The following ERCC1 variants were observed in gnomAD, a reference collection of about 807,000 sequenced individuals.
ERCC1 encodes the protein DNA excision repair protein ERCC-1.
A neutral mutation model predicts 37.6 loss-of-function variants in ERCC1; 36 were observed. The observed-to-expected ratio is 0.96, with a 90% CI of 0.73 to 1.26. The LOEUF (loss-of-function observed/expected upper bound fraction) is 1.26, where lower values mean the gene tolerates loss of function less well. Ranked by LOEUF, ERCC1 falls within the 50% of genes most tolerant of loss-of-function variation. The pLI, the probability that ERCC1 is intolerant of heterozygous loss-of-function variation, is 0.00. For synonymous variants in ERCC1, 156 were observed against 162.1 expected (o/e 0.96, Z 0.28); for missense variants, 349 against 376.5 (o/e 0.93, Z 0.60).
At chr19:45,429,724 G>T (rs957594023) in intron 1 of ERCC1, among the ~76,000 whole-genome samples, 4 of 152,002 alleles carry the variant, frequency 2.6e-5, no homozygotes, top group Non-Finnish European at 5.9e-5. Context: ...TGCCTTCTCA[G>T]CCTTGAGAAC....
intron 2 of ERCC1, among the ~76,000 whole-genome samples, chr19:45,422,452 G>A (rs1039750324): frequency 3.3e-5 from 5 of 151,934 alleles, no homozygotes; most frequent in Non-Finnish European, 7.4e-5. Context: ...CCTCCTCAGA[G>A]AGGCCCTCCC....
At chr19:45,429,476 G>A (rs923976167) in intron 1 of ERCC1, among the ~76,000 whole-genome samples, 2 of 151,976 alleles carry the variant, frequency 1.3e-5, no homozygotes, top group African/African-American at 4.8e-5. Flanking sequence ...AAGAAAGAAA[G>A]AAGGAAAGAA....
chr19:45,447,859 G>T (rs981384891), intron 1 of ERCC1, among the ~76,000 whole-genome samples: 2 of 151,286 alleles, frequency 1.3e-5, no homozygotes, highest in Admixed American at 6.7e-5. Flanking sequence ...AATTCTCTGG[G>T]CTTCTTTCTC....
Position 45,420,221 on chromosome 19 carries a change from T to C in ERCC1, c.425+103A>G, listed in dbSNP as rs986351735. The C allele has an allele frequency of 3.5e-5, 28 of 810,496 alleles. No individual in the cohort carries two copies. In the African/African-American group the frequency reaches 4.3e-4, roughly 12 times the overall value. The allele number at this position is 810,496 out of a possible 1,614,324, so 50.2% of individuals were successfully genotyped here. A position where few individuals can be genotyped will look rare whatever the true frequency, so the allele number is the denominator to read the frequency against. On this transcript the variant is annotated intron_variant, in intron 4 of 9. Coordinates refer to ENST00000300853, the MANE Select transcript of ERCC1 (RefSeq NM_001983.4). This position sits in a 1 kb window ranked among gnomAD's most constrained non-coding sequence, Gnocchi z 4.8. ...CCAAGGCCCAGAACCTGCAGGACCA[T>C]GCCCAGAGGCTTCTCATAGAACAGT... is the stretch of plus-strand genomic sequence containing the variant.
At chr19:45,430,389 T>C (rs897130265) in intron 1 of ERCC1, among the ~76,000 whole-genome samples, 7 of 152,140 alleles carry the variant, frequency 4.6e-5, no homozygotes, top group Admixed American at 4.6e-4. Context: ...GCCATCCCTA[T>C]GTTAGAGATG....
Position 45,409,609 on chromosome 19 carries a change from A to C in ERCC1, c.*66T>G. ...CCCCAGAGACTGCACCAGCGCAGCC[A>C]GCAGGAGCCTGGCCTGGGAGGACGA... On this transcript the variant is annotated 3_prime_UTR_variant, in exon 10 of 10. Transcript: ENST00000300853. 1.9e-6 allele frequency: 3 copies of C among 1,576,870 alleles called. No homozygotes were observed. Among genetic ancestry groups the C allele is most frequent in the Non-Finnish European group, 2.6e-6 (3 of 1,155,088 alleles).
rs1390297601 is a variant in ERCC1, at chr19:45,429,854, G to A, written c.-7-6473C>T. On this transcript the variant is annotated intron_variant, in intron 1 of 8. Coordinates refer to the ERCC1 transcript ENST00000423698. ...GGCTGTAGTGCAGTGGCATGATCAC[G>A]ATTCACTGCAACTTCCGCCTCCCAG... Among the ~76,000 whole-genome samples the A allele has an allele frequency of 2.0e-5, 3 of 152,118 alleles. No homozygotes were observed. The East Asian group carries it at 5.8e-4, about 29-fold the overall frequency.
intron 1 of ERCC1, among the ~76,000 whole-genome samples, chr19:45,434,377 C>T (rs1438965115): frequency 1.3e-5 from 2 of 150,618 alleles, no homozygotes; most frequent in Non-Finnish European, 3.0e-5. Context: ...TGTAGTCCCA[C>T]GTACTCGGGA....
intron 1 of ERCC1, among the ~76,000 whole-genome samples, chr19:45,436,988 G>A (rs1974996920): frequency 2.0e-5 from 3 of 152,244 alleles, no homozygotes; most frequent in South Asian, 2.1e-4. Context: ...AGTGGCTCAC[G>A]CGTGTAATCC....
intron 1 of ERCC1, chr19:45,450,853 C>CA (rs1967093603): frequency 7.0e-6 from 1 of 141,866 alleles, no homozygotes; most frequent in Admixed American, 7.2e-5. Flanking sequence ...CGGGCAACGT[C>CA]AACAAACGAC....
At chr19:45,440,872 TACAGGTGTGCACCA>T (rs1386706245) in intron 1 of ERCC1, among the ~76,000 whole-genome samples, 1 of 152,144 alleles carries the variant, frequency 6.6e-6, no homozygotes, top group Non-Finnish European at 1.5e-5. Flanking sequence ...TAGCTGGGAC[TACAGGTGTGCACCA>T]GCACACCTGG....
intron 9 of ERCC1, among the ~76,000 whole-genome samples, chr19:45,412,168 T>C (rs969158502): frequency 6.6e-6 from 1 of 151,024 alleles, no homozygotes; most frequent in African/African-American, 2.4e-5. Flanking sequence ...CTATTTTTGG[T>C]TTTTTTTGAG....
Position 45,423,613 on chromosome 19 carries a change from A to G in ERCC1, c.-8+168T>C, listed in dbSNP as rs940905483. On this transcript the variant is annotated intron_variant, in intron 1 of 9. Coordinates refer to ENST00000300853, the MANE Select transcript of ERCC1 (RefSeq NM_001983.4). ...TCCCATCGCTCCGCCCCTCGCCCCC[A>G]CCGGATTCTATTGGCTCCGTCCCCA... 1.4e-5 allele frequency: 18 copies of G among 1,330,360 alleles called. No individual in the cohort carries two copies. The African/African-American group carries it at 2.4e-4, about 17-fold the overall frequency. 82.4% of individuals were successfully genotyped at this position (1,330,360 alleles called of 1,614,324 possible).
chr19:45,407,464 A>G lies in ERCC1; in HGVS notation c.*2211T>C, dbSNP rs1973414412. On this transcript the variant is annotated 3_prime_UTR_variant, in exon 10 of 10. Coordinates refer to ENST00000300853, the MANE Select transcript of ERCC1 (RefSeq NM_001983.4). ...TAAGAAACTATAAGGAACTATAGTT[A>G]AACTTGGAGTGTGCAGATAAGCTCA... 1 of 512,784 alleles carries G rather than the reference A, an allele frequency of 2.0e-6. No homozygotes were observed. The highest frequency in any genetic ancestry group is 2.0e-5 in the African/African-American group (1 of 49,828). 31.8% of individuals were successfully genotyped at this position (512,784 alleles called of 1,614,324 possible). A position where few individuals can be genotyped will look rare whatever the true frequency, so the allele number is the denominator to read the frequency against.
At position 45,423,831 on chromosome 19, in the gene ERCC1, C is replaced by CT; in HGVS notation, c.-59dup. On this transcript the variant is annotated 5_prime_UTR_variant, in exon 1 of 10. Coordinates refer to ENST00000300853, the MANE Select transcript of ERCC1 (RefSeq NM_001983.4). ...GCGCCGCGAGGCCTCACCTGCTGGTCTTGGAGCCTCAAGGGAAAGACTGCA... is the reference window on the plus strand; with the variant it reads ...GCGCCGCGAGGCCTCACCTGCTGGTCTTTGGAGCCTCAAGGGAAAGACTGCA... The CT allele has an allele frequency of 8.8e-7, 1 of 1,137,944 alleles. No individual in the cohort carries two copies. The highest frequency in any genetic ancestry group is 2.8e-5 in the South Asian group (1 of 35,114). The allele number at this position is 1,137,944 out of a possible 1,614,324, so 70.5% of individuals were successfully genotyped here. A position where few individuals can be genotyped will look rare whatever the true frequency, so the allele number is the denominator to read the frequency against.
intron 1 of ERCC1, among the ~76,000 whole-genome samples, chr19:45,431,727 C>CA (rs1974836943): frequency 1.3e-5 from 2 of 149,520 alleles, no homozygotes; most frequent in Admixed American, 6.7e-5. Context: ...CCTATCTCTA[C>CA]AAAAAATGTT....
intron 1 of ERCC1, among the ~76,000 whole-genome samples, chr19:45,436,482 C>T (rs572757190): frequency 6.4e-4 from 97 of 152,120 alleles, no homozygotes; most frequent in African/African-American, 2.2e-3. Context: ...AAAAATTAGC[C>T]GGGCATGGTG....
chr19:45,451,540 A>C (rs528952563), intron 1 of ERCC1, among the ~76,000 whole-genome samples: 2 of 152,268 alleles, frequency 1.3e-5, no homozygotes, highest in South Asian at 4.1e-4. Flanking sequence ...GTGTCCGGGA[A>C]GCTGTCCACA....
At chr19:45,411,283 G>GGGT (rs1379894744) in intron 9 of ERCC1, among the ~76,000 whole-genome samples, 1 of 152,188 alleles carries the variant, frequency 6.6e-6, no homozygotes, top group Non-Finnish European at 1.5e-5. Context: ...TCCATACACT[G>GGGT]ATTTCCTTTT....
Sources: allele counts gnomAD v4.1 joint callset (sites outside exome capture counted in the v4.1 genomes callset), GRCh38; gene constraint gnomAD v4.1.1; non-coding constraint Gnocchi (gnomAD v3.1); transcripts MANE v1.5; gene names NCBI Gene and HGNC (gene_info 2026-07-23, HGNC 2026-07-21).